Variants in TLL2 observed in about 807,000 individuals in gnomAD.
TLL2 encodes the protein tolloid-like protein 2.
TLL2 carries 106 observed loss-of-function variants against 123.0 expected under a neutral mutation model. The ratio of observed to expected loss-of-function variants is 0.86; its 90% CI spans 0.74 to 1.01. TLL2 has a LOEUF of 1.01. TLL2 is among the 50% of genes least tolerant of loss of function. The pLI is 0.00. For missense variants in TLL2, 1,332 were observed against 1,336.7 expected (o/e 1.00, Z 0.06); for synonymous variants, 494 against 516.8 (o/e 0.96, Z 0.60).
At chr10:96,462,214 T>G (rs889338083) in intron 2 of TLL2, among the ~76,000 whole-genome samples, 1 of 152,182 alleles carries the variant, frequency 6.6e-6, no homozygotes, top group Non-Finnish European at 1.5e-5. Flanking sequence ...CACTGTGGTG[T>G]TTAGCACAGC....
At chr10:96,451,557 CTCTTAT>C (rs1846959945) in intron 2 of TLL2, among the ~76,000 whole-genome samples, 1 of 152,162 alleles carries the variant, frequency 6.6e-6, no homozygotes, top group African/African-American at 2.4e-5. Context: ...TTCCTTTCAT[CTCTTAT>C]TCTTAAAGAC....
At chr10:96,398,655 T>A (rs1168805423) in intron 10 of TLL2, among the ~76,000 whole-genome samples, 3 of 152,156 alleles carry the variant, frequency 2.0e-5, no homozygotes, top group African/African-American at 4.8e-5. Flanking sequence ...CACGTCAGGA[T>A]GGCAGCCCAG....
intron 1 of TLL2, among the ~76,000 whole-genome samples, chr10:96,509,223 T>C (rs1482099938): frequency 2.6e-5 from 4 of 152,220 alleles, no homozygotes; most frequent in Non-Finnish European, 5.9e-5. Flanking sequence ...TAGCTGAGGC[T>C]TAGCCATCAT....
intron 13 of TLL2, among the ~76,000 whole-genome samples, chr10:96,391,249 T>C (rs867060162): frequency 6.6e-6 from 1 of 152,234 alleles, no homozygotes; most frequent in African/African-American, 2.4e-5. Context: ...AGGTATTTAC[T>C]GAGCCTACTG....
intron 3 of TLL2, among the ~76,000 whole-genome samples, chr10:96,444,756 A>T (rs1846879687): frequency 6.6e-6 from 1 of 152,234 alleles, no homozygotes; most frequent in Admixed American, 6.5e-5. Flanking sequence ...TATCACATTT[A>T]TGCATTTGTG....
intron 3 of TLL2, among the ~76,000 whole-genome samples, chr10:96,443,965 A>C (rs1846872385): frequency 6.6e-6 from 1 of 152,230 alleles, no homozygotes; most frequent in East Asian, 1.9e-4. Flanking sequence ...TCTCTAAAAG[A>C]AGTCAGATTG....
intron 13 of TLL2, among the ~76,000 whole-genome samples, chr10:96,391,273 G>A (rs1564896995): frequency 6.6e-6 from 1 of 152,196 alleles, no homozygotes; most frequent in East Asian, 1.9e-4. Flanking sequence ...GCCAAGCACT[G>A]GGACCACAGT....
intron 2 of TLL2, among the ~76,000 whole-genome samples, chr10:96,452,842 G>GA (rs936572077): frequency 1.3e-4 from 20 of 152,296 alleles, no homozygotes; most frequent in African/African-American, 4.8e-4. Context: ...TTATTCATTA[G>GA]AAAAAAATTA....
chr10:96,505,673 A>G (rs1489657809), intron 1 of TLL2, among the ~76,000 whole-genome samples: 1 of 152,200 alleles, frequency 6.6e-6, no homozygotes, highest in East Asian at 1.9e-4. Flanking sequence ...TGCCTCTAGC[A>G]CCTGCTGCTT....
At chr10:96,501,377 C>G (rs1029928359) in intron 1 of TLL2, among the ~76,000 whole-genome samples, 4 of 152,184 alleles carry the variant, frequency 2.6e-5, no homozygotes, top group African/African-American at 9.7e-5. Context: ...CACTTTCCCT[C>G]CCTTCCCATT....
chr10:96,381,409 T>TTCCG (rs1564894731), intron 16 of TLL2, among the ~76,000 whole-genome samples: 1 of 152,228 alleles, frequency 6.6e-6, no homozygotes, highest in Non-Finnish European at 1.5e-5. Flanking sequence ...TGCCCTTGGC[T>TTCCG]TCCCAGCATG....
At chr10:96,469,777 A>G (rs1296380320) in intron 2 of TLL2, among the ~76,000 whole-genome samples, 2 of 152,276 alleles carry the variant, frequency 1.3e-5, no homozygotes, top group African/African-American at 2.4e-5. Flanking sequence ...CTTGGTGCTG[A>G]GCACAGAAGA....
intron 2 of TLL2, among the ~76,000 whole-genome samples, chr10:96,452,600 C>T (rs1846972683): frequency 6.6e-6 from 1 of 152,164 alleles, no homozygotes; most frequent in South Asian, 2.1e-4. Flanking sequence ...AACTGAGGCT[C>T]ATGAATAAGT....
At chr10:96,493,575 G>T (rs141012072) in intron 1 of TLL2, among the ~76,000 whole-genome samples, 1 of 152,250 alleles carries the variant, frequency 6.6e-6, no homozygotes, top group African/African-American at 2.4e-5. Context: ...GAGGCCAGGG[G>T]ATCTGAGAGG....
At chr10:96,416,550 C>T (rs545363960) in intron 7 of TLL2, among the ~76,000 whole-genome samples, 4 of 152,328 alleles carry the variant, frequency 2.6e-5, no homozygotes, top group South Asian at 2.1e-4. Flanking sequence ...CAGGAGCTCA[C>T]CTCTGGGAAT....
At chr10:96,416,393 T>G (rs1846561756) in intron 7 of TLL2, among the ~76,000 whole-genome samples, 1 of 151,126 alleles carries the variant, frequency 6.6e-6, no homozygotes, top group South Asian at 2.1e-4. Context: ...CTGGGCACTT[T>G]CCTTGCACCA....
chr10:96,490,933 G>A (rs1189007088), intron 1 of TLL2, among the ~76,000 whole-genome samples: 1 of 152,158 alleles, frequency 6.6e-6, no homozygotes, highest in Non-Finnish European at 1.5e-5. Context: ...AGCACTGACC[G>A]AAGGCACCAG....
intron 5 of TLL2, among the ~76,000 whole-genome samples, chr10:96,428,385 C>T (rs1188323141): frequency 6.6e-6 from 1 of 152,202 alleles, no homozygotes; most frequent in Non-Finnish European, 1.5e-5. Context: ...TGACACACCA[C>T]CAGTTCCTTC....
intron 4 of TLL2, 120 bp from the exon 5 acceptor site, chr10:96,428,868 G>A (rs1023480610): frequency 2.1e-5 from 13 of 623,688 alleles, no homozygotes; most frequent in East Asian, 1.5e-4. Context: ...GCAATAGTGC[G>A]ATCTCGGCTC....
Sources: allele counts gnomAD v4.1 joint callset (sites outside exome capture counted in the v4.1 genomes callset), GRCh38; gene constraint gnomAD v4.1.1; transcripts MANE v1.5; gene names NCBI Gene and HGNC (gene_info 2026-07-23, HGNC 2026-07-21).